RIMS2: variants seen among roughly 807,000 people sequenced by gnomAD.
RIMS2 encodes the protein regulating synaptic membrane exocytosis protein 2.
A neutral mutation model predicts 174.4 loss-of-function variants in RIMS2; 59 were observed. That is an observed-to-expected ratio of 0.34 (90% CI 0.27 to 0.42). The LOEUF is 0.42. Among genes scored for constraint, RIMS2 ranks in the 10% least tolerant of loss-of-function variants. The pLI is 1.00. For missense variants in RIMS2, 1,620 were observed against 1,666.3 expected, an observed-to-expected ratio of 0.97 and a Z score of 0.48; for synonymous variants, 606 against 572.5, an observed-to-expected ratio of 1.06 and a Z score of -0.84.
intron 1 of RIMS2, among the ~76,000 whole-genome samples, chr8:103,672,234 A>C (rs2096753836): frequency 6.6e-6 from 1 of 152,118 alleles, no homozygotes; most frequent in Non-Finnish European, 1.5e-5. Flanking sequence ...GTTTACTCAA[A>C]TGTTGAACAG....
At position 104,132,077 on chromosome 8, in the gene RIMS2, A is replaced by G. The variant is rs1405649475; in HGVS notation, c.3335-112839A>G. Among the ~76,000 whole-genome samples the G allele has an allele frequency of 3.3e-5, 5 of 152,174 alleles. No homozygotes were observed. The East Asian group carries it at 9.6e-4, about 29-fold the overall frequency. The stretch of plus-strand genomic sequence containing the variant: ...TATTTTCTGTTTCTGTTACAATCAA[A>G]TGCATATGCACATTCAAATAATTTA... On this transcript the variant is annotated intron_variant, in intron 19 of 23. Transcript: ENST00000504942.
chr8:104,215,617 T>C (rs190225209), intron 19 of RIMS2, among the ~76,000 whole-genome samples: 320 of 152,376 alleles, frequency 2.1e-3, no homozygotes, highest in Non-Finnish European at 2.2e-3. Context: ...TGCTAGGTGA[T>C]GTTCATCTGG....
intron 1 of RIMS2, among the ~76,000 whole-genome samples, chr8:103,534,229 T>C (rs1044111686): frequency 1.3e-5 from 2 of 152,212 alleles, no homozygotes; most frequent in Admixed American, 6.5e-5. Context: ...CACAAATAAT[T>C]TCAAGCTACT....
intron 1 of RIMS2, among the ~76,000 whole-genome samples, chr8:103,660,367 G>C (rs1452876151): frequency 6.6e-6 from 1 of 152,220 alleles, no homozygotes; most frequent in Non-Finnish European, 1.5e-5. Flanking sequence ...TCCTGCCTCT[G>C]TGCTCACGTA....
At chr8:103,841,046 G>A (rs2098936747) in intron 3 of RIMS2, among the ~76,000 whole-genome samples, 1 of 152,148 alleles carries the variant, frequency 6.6e-6, no homozygotes, top group African/African-American at 2.4e-5. Context: ...AGAGCACAGG[G>A]TATTTTCATG....
intron 13 of RIMS2, among the ~76,000 whole-genome samples, chr8:103,939,340 G>A (rs2082017465): frequency 6.6e-6 from 1 of 152,160 alleles, no homozygotes; most frequent in Non-Finnish European, 1.5e-5. Flanking sequence ...GCCAAGCTTG[G>A]GCTTGCACCC....
intron 19 of RIMS2, among the ~76,000 whole-genome samples, chr8:104,161,559 C>A (rs1212010450): frequency 6.6e-6 from 1 of 152,052 alleles, no homozygotes; most frequent in Non-Finnish European, 1.5e-5. Flanking sequence ...GACTAGAGAT[C>A]AAGAATAAGG....
chr8:104,211,274 A>G (rs566125924), intron 19 of RIMS2, among the ~76,000 whole-genome samples: 1 of 152,272 alleles, frequency 6.6e-6, no homozygotes, highest in East Asian at 1.9e-4. Context: ...AAAGAATAGG[A>G]CACCACATGA....
At chr8:103,909,567 A>T (rs2075232025) in intron 4 of RIMS2, among the ~76,000 whole-genome samples, 1 of 152,168 alleles carries the variant, frequency 6.6e-6, no homozygotes, top group Non-Finnish European at 1.5e-5. Flanking sequence ...CATACAAATT[A>T]ATCTTTTGTG....
chr8:103,713,705 A>T (rs2097335766), intron 2 of RIMS2, among the ~76,000 whole-genome samples: 1 of 152,148 alleles, frequency 6.6e-6, no homozygotes, highest in African/African-American at 2.4e-5. Context: ...GATTTGTAAA[A>T]TGCAGATTTG....
At chr8:104,056,129 G>A (rs2096864374) in intron 19 of RIMS2, among the ~76,000 whole-genome samples, 3 of 152,246 alleles carry the variant, frequency 2.0e-5, no homozygotes, top group African/African-American at 2.4e-5. Context: ...AACCGGCCAG[G>A]CGTGGTGGCT....
intron 3 of RIMS2, among the ~76,000 whole-genome samples, chr8:103,784,384 G>C (rs1360553266): frequency 4.7e-5 from 7 of 149,858 alleles, no homozygotes; most frequent in East Asian, 1.9e-4. Context: ...TTTTCTTCTA[G>C]GGTTTTTATG....
chr8:104,169,043 G>A (rs1210381914), intron 19 of RIMS2, among the ~76,000 whole-genome samples: 1 of 151,864 alleles, frequency 6.6e-6, no homozygotes, highest in Non-Finnish European at 1.5e-5. Context: ...GTTGGATTTG[G>A]TCAGCTAGTA....
At chr8:103,876,079 T>C (rs1264324471) in intron 3 of RIMS2, among the ~76,000 whole-genome samples, 1 of 152,050 alleles carries the variant, frequency 6.6e-6, no homozygotes, top group Non-Finnish European at 1.5e-5. Flanking sequence ...CTGTTGATTA[T>C]TTATTTTGCT....
At chr8:103,536,326 A>T (rs1280638991) in intron 1 of RIMS2, among the ~76,000 whole-genome samples, 1 of 152,188 alleles carries the variant, frequency 6.6e-6, no homozygotes, top group African/African-American at 2.4e-5. Context: ...GGCAGAGAAG[A>T]CTTTAAGACT....
Position 103,700,954 on chromosome 8 carries a change from C to T in RIMS2, c.387+3658C>T, listed in dbSNP as rs558410341. 5.9e-5 allele frequency among the ~76,000 whole-genome samples: 9 copies of T among 152,134 alleles called. No individual in the cohort carries two copies. In the East Asian group the frequency reaches 1.5e-3, roughly 26 times the overall value. On this transcript the variant is annotated intron_variant, in intron 2 of 23. Coordinates refer to ENST00000504942, the Ensembl canonical transcript of RIMS2. ...ATTTTACTTTTATTCATTTTATAAA[C>T]CCCACAATATATTGTTATTCTTTTT... is the stretch of plus-strand genomic sequence containing the variant.
chr8:103,985,258 G>A (rs55826147), intron 16 of RIMS2, among the ~76,000 whole-genome samples: 9,510 of 152,042 alleles, frequency 0.063, 419 homozygotes, highest in Non-Finnish European at 0.089. Flanking sequence ...GATGGATAAT[G>A]AGGTCAGGAG....
chr8:103,971,021 C>T (rs1190079290), intron 15 of RIMS2, among the ~76,000 whole-genome samples: 9 of 151,904 alleles, frequency 5.9e-5, no homozygotes, highest in Non-Finnish European at 1.2e-4. Context: ...ATGGAGTTTT[C>T]CCCCCCATAG....
chr8:103,612,307 T>C (rs1333836544), intron 1 of RIMS2, among the ~76,000 whole-genome samples: 1 of 152,204 alleles, frequency 6.6e-6, no homozygotes, highest in Admixed American at 6.5e-5. Flanking sequence ...TTAGCTTGTT[T>C]GGTGAGGTTA....
Sources: gnomAD v4.1 joint callset for allele counts (sites outside exome capture counted in the v4.1 genomes callset) on GRCh38, gnomAD v4.1.1 for gene constraint, MANE v1.5 for transcripts, NCBI Gene and HGNC (gene_info 2026-07-23, HGNC 2026-07-21) for gene names.